MBNL2: variants seen among roughly 807,000 people sequenced by gnomAD.
MBNL2 encodes the protein muscleblind-like protein 2.
A neutral mutation model predicts 41.9 loss-of-function variants in MBNL2; 17 were observed. The observed-to-expected ratio is 0.41, with a 90% CI of 0.28 to 0.61. MBNL2 has a LOEUF of 0.61. Among genes scored for constraint, MBNL2 ranks in the 20% least tolerant of loss-of-function variants. The probability of loss-of-function intolerance (pLI) is 0.35; values close to 1 mark genes in which losing one functional copy is unlikely to be tolerated. For synonymous variants in MBNL2, 195 were observed against 182.9 expected (o/e 1.07, Z -0.53); for missense variants, 336 against 505.6 (o/e 0.66, Z 3.22).
chr13:97,180,135 G>T, the MBNL2 span, among the ~76,000 whole-genome samples: 1 of 152,076 alleles, frequency 6.6e-6, no homozygotes, highest in African/African-American at 2.4e-5. Context: ...GAAACAGAGA[G>T]AATTAGGAGG....
chr13:97,390,351 G>T (rs2066299945), intron 8 of MBNL2, among the ~76,000 whole-genome samples: 3 of 152,252 alleles, frequency 2.0e-5, no homozygotes. Context: ...GGAAAATAAG[G>T]CTTTTGTTGG....
At chr13:97,193,818 ACT>A in the MBNL2 span, among the ~76,000 whole-genome samples, 1 of 152,120 alleles carries the variant, frequency 6.6e-6, no homozygotes, top group East Asian at 1.9e-4. Flanking sequence ...ACTGCCCTTA[ACT>A]GTCTTTCTCG....
upstream of MBNL2, among the ~76,000 whole-genome samples, chr13:97,217,644 G>A (rs1018717194): frequency 1.3e-5 from 2 of 152,326 alleles, no homozygotes; most frequent in African/African-American, 4.8e-5. Context: ...AATACTGGAT[G>A]TAAAGGTAGG....
At chr13:97,172,636 TC>T in the MBNL2 span, 1 of 152,190 alleles carries the variant, frequency 6.6e-6, no homozygotes, top group Non-Finnish European at 1.5e-5. Context: ...ATCAAATTGG[TC>T]GTAGCATAGA....
At chr13:97,156,655 C>T in the MBNL2 span, among the ~76,000 whole-genome samples, 7 of 144,446 alleles carry the variant, frequency 4.8e-5, no homozygotes, top group African/African-American at 1.8e-4. Flanking sequence ...AATAGGGAAT[C>T]CTTTCCCCAT....
At chr13:97,294,138 TAATC>T (rs1475586243) in intron 2 of MBNL2, among the ~76,000 whole-genome samples, 1 of 152,266 alleles carries the variant, frequency 6.6e-6, no homozygotes, top group Non-Finnish European at 1.5e-5. Flanking sequence ...TAATTTGAAT[TAATC>T]TTGAAATCTT....
chr13:97,153,587 T>C, the MBNL2 span, among the ~76,000 whole-genome samples: 1 of 152,158 alleles, frequency 6.6e-6, no homozygotes, highest in Non-Finnish European at 1.5e-5. Flanking sequence ...AAAGTAAATA[T>C]ACAGTAAGAA....
chr13:97,343,717 G>A (rs1193421368), intron 4 of MBNL2, among the ~76,000 whole-genome samples: 1 of 152,228 alleles, frequency 6.6e-6, no homozygotes, highest in African/African-American at 2.4e-5. Context: ...GAACAAGCAT[G>A]GCTGCTCTAG....
At chr13:97,244,360 G>A (rs1288166799) in intron 1 of MBNL2, among the ~76,000 whole-genome samples, 2 of 152,312 alleles carry the variant, frequency 1.3e-5, no homozygotes, top group South Asian at 2.1e-4. Flanking sequence ...GACGGATGCA[G>A]AGAGGAAACC....
chr13:97,298,258 A>C (rs985821339), intron 2 of MBNL2, among the ~76,000 whole-genome samples: 3 of 152,168 alleles, frequency 2.0e-5, no homozygotes, highest in African/African-American at 7.2e-5. Context: ...GTTAAAAACA[A>C]AATAAAACTT....
At chr13:97,338,547 A>C (rs1326054229) in intron 3 of MBNL2, among the ~76,000 whole-genome samples, 1 of 152,172 alleles carries the variant, frequency 6.6e-6, no homozygotes, top group African/African-American at 2.4e-5. Flanking sequence ...TCAAATTCAC[A>C]GTGTTTGAAA....
At chr13:97,369,885 A>AAAC (rs1437395636) in intron 8 of MBNL2, among the ~76,000 whole-genome samples, 2 of 152,230 alleles carry the variant, frequency 1.3e-5, no homozygotes, top group African/African-American at 2.4e-5. Context: ...AAAATACAAC[A>AAAC]AACAGATTTA....
intron 2 of MBNL2, among the ~76,000 whole-genome samples, chr13:97,324,885 G>T (rs1184547615): frequency 6.6e-6 from 1 of 152,216 alleles, no homozygotes; most frequent in Non-Finnish European, 1.5e-5. Flanking sequence ...TCAGCAGGTT[G>T]TTCATTCCAC....
At chr13:97,368,706 G>A (rs563844211) in intron 8 of MBNL2, among the ~76,000 whole-genome samples, 1 of 151,402 alleles carries the variant, frequency 6.6e-6, no homozygotes, top group Admixed American at 6.6e-5. Flanking sequence ...AAGTTTGTGT[G>A]TGTGTGTGTG....
At chr13:97,369,060 T>A (rs2064126888) in intron 8 of MBNL2, among the ~76,000 whole-genome samples, 1 of 152,142 alleles carries the variant, frequency 6.6e-6, no homozygotes, top group South Asian at 2.1e-4. Context: ...ATAAAAACCA[T>A]GGAAAAATAA....
intron 2 of MBNL2, among the ~76,000 whole-genome samples, chr13:97,304,254 A>C (rs2153006641): frequency 6.6e-6 from 1 of 152,328 alleles, no homozygotes; most frequent in South Asian, 2.1e-4. Context: ...TCAAGGAGAA[A>C]AGTCTTTGTC....
At chr13:97,348,826 G>A (rs189415189) in intron 5 of MBNL2, among the ~76,000 whole-genome samples, 2 of 152,292 alleles carry the variant, frequency 1.3e-5, no homozygotes, top group Admixed American at 1.3e-4. Context: ...TAAAATGGAA[G>A]GGTAGCTGTC....
chr13:97,256,141 A>G (rs1298699329), intron 1 of MBNL2, among the ~76,000 whole-genome samples: 2 of 152,238 alleles, frequency 1.3e-5, no homozygotes, highest in African/African-American at 4.8e-5. Context: ...CAAGGCTGAC[A>G]GAACAGTTGG....
chr13:97,185,710 C>A, the MBNL2 span, among the ~76,000 whole-genome samples: 1 of 152,178 alleles, frequency 6.6e-6, no homozygotes, highest in Non-Finnish European at 1.5e-5. Flanking sequence ...ACATGGGTCC[C>A]CCACACCTTG....
Sources: allele counts gnomAD v4.1 joint callset (sites outside exome capture counted in the v4.1 genomes callset), GRCh38; gene constraint gnomAD v4.1.1; transcripts MANE v1.5; gene names NCBI Gene and HGNC (gene_info 2026-07-23, HGNC 2026-07-21).